The following UGGT2 variants were observed in gnomAD, a reference collection of about 807,000 sequenced individuals.
UGGT2 encodes the protein UDP-glucose glycoprotein glucosyltransferase 2.
UGGT2 carries 180 observed loss-of-function variants against 192.1 expected under a neutral mutation model. That is an observed-to-expected ratio of 0.94 (90% CI 0.83 to 1.06). The LOEUF (loss-of-function observed/expected upper bound fraction) is 1.06. Ranked by LOEUF, UGGT2 falls within the 50% of genes least tolerant of loss-of-function variation. UGGT2 has a pLI of 0.00. For synonymous variants in UGGT2, 580 were observed against 591.0 expected, an observed-to-expected ratio of 0.98 and a Z score of 0.27; for missense variants, 1,849 against 1,795.7, an observed-to-expected ratio of 1.03 and a Z score of -0.54.
intron 10 of UGGT2, among the ~76,000 whole-genome samples, chr13:95,973,786 G>A (rs973212305): frequency 2.0e-5 from 3 of 152,148 alleles, no homozygotes; most frequent in Non-Finnish European, 2.9e-5. Context: ...TAAGATTTGG[G>A]CAAGTTCAAA....
intron 12 of UGGT2, among the ~76,000 whole-genome samples, chr13:95,956,096 C>A (rs1169537537): frequency 6.6e-6 from 1 of 152,110 alleles, no homozygotes; most frequent in Admixed American, 6.5e-5. Context: ...AATTTAACGA[C>A]AAGCTAAAAC....
chr13:95,952,759 G>C (rs2050106467), intron 12 of UGGT2, among the ~76,000 whole-genome samples: 1 of 152,076 alleles, frequency 6.6e-6, no homozygotes, highest in Non-Finnish European at 1.5e-5. Flanking sequence ...TTAGGAGACT[G>C]ACATGTTTTA....
At chr13:96,007,376 C>G (rs1202238766) in intron 5 of UGGT2, among the ~76,000 whole-genome samples, 1 of 152,094 alleles carries the variant, frequency 6.6e-6, no homozygotes, top group Non-Finnish European at 1.5e-5. Flanking sequence ...AAAGCCATCC[C>G]TCAAAGATCT....
chr13:95,898,333 G>C (rs2048006687), intron 22 of UGGT2, among the ~76,000 whole-genome samples: 1 of 152,038 alleles, frequency 6.6e-6, no homozygotes, highest in Non-Finnish European at 1.5e-5. Context: ...AACCCAATAT[G>C]ATCTGGCCCC....
intron 4 of UGGT2, among the ~76,000 whole-genome samples, chr13:96,017,183 G>A (rs954814114): frequency 1.3e-5 from 2 of 152,186 alleles, no homozygotes; most frequent in African/African-American, 4.8e-5. Context: ...ATGAGTCTCA[G>A]ATGGCACTTA....
intron 15 of UGGT2, among the ~76,000 whole-genome samples, chr13:95,944,363 C>T (rs7994321): frequency 0.027 from 4,105 of 152,064 alleles, 62 homozygotes; most frequent in Middle Eastern, 0.051. Context: ...ATTTGCTGTG[C>T]TAGTTTTAAA....
At chr13:95,856,528 C>A in intron 33 of UGGT2, 188 bp from the exon 34 acceptor site, 1 of 557,572 alleles carries the variant, frequency 1.8e-6, no homozygotes, top group East Asian at 3.2e-5. Context: ...AATATGAAAT[C>A]ACAAGTATAA....
chr13:95,903,999 T>G (rs2048191774), intron 20 of UGGT2, among the ~76,000 whole-genome samples: 1 of 152,244 alleles, frequency 6.6e-6, no homozygotes, highest in Non-Finnish European at 1.5e-5. Flanking sequence ...TGGCTTCTTT[T>G]ATGACTTGCC....
At chr13:96,046,763 C>A (rs978714795) in intron 1 of UGGT2, among the ~76,000 whole-genome samples, 2 of 152,214 alleles carry the variant, frequency 1.3e-5, no homozygotes, top group African/African-American at 4.8e-5. Context: ...TCGGGTCACT[C>A]CTACCCTAAT....
At chr13:95,850,641 T>TA (rs1375861454) in intron 36 of UGGT2, among the ~76,000 whole-genome samples, 1 of 152,202 alleles carries the variant, frequency 6.6e-6, no homozygotes, top group Non-Finnish European at 1.5e-5. Context: ...ATCTAGCTCT[T>TA]AGAGCTGCCA....
At chr13:95,942,844 A>G (rs531902530) in intron 15 of UGGT2, among the ~76,000 whole-genome samples, 2 of 152,228 alleles carry the variant, frequency 1.3e-5, no homozygotes, top group South Asian at 4.1e-4. Flanking sequence ...AGAGCTTTTT[A>G]AGTTTTATCT....
At chr13:95,838,742 C>G (rs1887559104) in intron 36 of UGGT2, among the ~76,000 whole-genome samples, 1 of 152,078 alleles carries the variant, frequency 6.6e-6, no homozygotes, top group Non-Finnish European at 1.5e-5. Flanking sequence ...CCTTCTGACA[C>G]CCTTAGTTCC....
In UGGT2 at chr13:95,872,302, A is replaced by G. The variant is rs188811544; in HGVS notation, c.3474-4879T>C. On this transcript the variant is annotated intron_variant, in intron 29 of 38. Coordinates refer to ENST00000376747, the MANE Select transcript of UGGT2 (RefSeq NM_020121.4). ...CTACAAAAAGATTGACAGACACAGA[A>G]AGTACACATTGTGGGCATTATGCCT... Among the ~76,000 whole-genome samples the G allele has an allele frequency of 1.6e-4, 24 of 152,328 alleles. No homozygotes were observed. The East Asian group carries it at 4.6e-3, about 29-fold the overall frequency.
At chr13:95,833,621 T>TA (rs889514551) in intron 37 of UGGT2, among the ~76,000 whole-genome samples, 2 of 152,078 alleles carry the variant, frequency 1.3e-5, no homozygotes, top group Non-Finnish European at 2.9e-5. Flanking sequence ...CTTGGGAAAT[T>TA]AAAGTTAAAA....
chr13:95,998,785 GA>G (rs1051636195), intron 6 of UGGT2, among the ~76,000 whole-genome samples: 295 of 145,378 alleles, frequency 2.0e-3, no homozygotes, highest in Non-Finnish European at 3.0e-3. Context: ...CTTCAGGATA[GA>G]AAAAAAAAAA....
chr13:95,887,783 G>T, intron 26 of UGGT2, 109 bp downstream of exon 26: 1 of 653,624 alleles, frequency 1.5e-6, no homozygotes, highest in Non-Finnish European at 2.7e-6. Context: ...TTATTTCTTT[G>T]AAGCATCTTG....
At chr13:96,043,662 G>A (rs2139209889) in intron 1 of UGGT2, among the ~76,000 whole-genome samples, 1 of 152,086 alleles carries the variant, frequency 6.6e-6, no homozygotes, top group South Asian at 2.1e-4. Flanking sequence ...AAGGTAAAGG[G>A]GTAGAAAAAG....
At chr13:95,929,754 A>G (rs2049179315) in intron 17 of UGGT2, among the ~76,000 whole-genome samples, 1 of 152,198 alleles carries the variant, frequency 6.6e-6, no homozygotes, top group Non-Finnish European at 1.5e-5. Flanking sequence ...GTGAACATAC[A>G]TGTGTCTTTT....
chr13:95,925,861 A>C (rs2049000190), intron 19 of UGGT2, 87 bp from the exon 20 acceptor site: 1 of 787,928 alleles, frequency 1.3e-6, no homozygotes, highest in Non-Finnish European at 1.9e-6. Context: ...TAACACATTA[A>C]AAAAAATTAA....
Sources: allele counts gnomAD v4.1 joint callset (sites outside exome capture counted in the v4.1 genomes callset), GRCh38; gene constraint gnomAD v4.1.1; transcripts MANE v1.5; gene names NCBI Gene and HGNC (gene_info 2026-07-23, HGNC 2026-07-21).